TRPM3: variants seen among roughly 807,000 people sequenced by gnomAD.
The protein encoded by TRPM3 is long transient receptor potential channel 3.
Under a neutral mutation model 181.2 loss-of-function variants are expected in TRPM3, and 77 were observed. The ratio of observed to expected loss-of-function variants is 0.42; its 90% confidence interval spans 0.35 to 0.51. The LOEUF (loss-of-function observed/expected upper bound fraction) is 0.51, where lower values mean the gene tolerates loss of function less well. Ranked by LOEUF, TRPM3 falls within the 20% of genes least tolerant of loss-of-function variation. The pLI is 0.01. For synonymous variants in TRPM3, 745 were observed against 796.4 expected, an observed-to-expected ratio of 0.94 and a Z score of 1.09; for missense variants, 1,759 against 2,196.7, an observed-to-expected ratio of 0.80 and a Z score of 3.98.
At chr9:70,972,527 A>C (rs914331243) in intron 1 of TRPM3, among the ~76,000 whole-genome samples, 1 of 152,168 alleles carries the variant, frequency 6.6e-6, no homozygotes, top group Admixed American at 6.5e-5. Context: ...TGAAAGAATG[A>C]AAGTGTTCTG....
At chr9:70,776,953 G>T (rs1319938768) in intron 7 of TRPM3, among the ~76,000 whole-genome samples, 1 of 152,144 alleles carries the variant, frequency 6.6e-6, no homozygotes, top group Non-Finnish European at 1.5e-5. Context: ...AGGATATTTA[G>T]GGGGAGCTGG....
At chr9:71,391,762 A>G (rs1255923745) in intron 1 of TRPM3, among the ~76,000 whole-genome samples, 1 of 152,062 alleles carries the variant, frequency 6.6e-6, no homozygotes, top group Non-Finnish European at 1.5e-5. Context: ...GTTCAACCTA[A>G]TGTTTTTTGC....
At chr9:70,855,567 G>A (rs1002898630) in intron 3 of TRPM3, among the ~76,000 whole-genome samples, 6 of 152,156 alleles carry the variant, frequency 3.9e-5, no homozygotes, top group African/African-American at 1.4e-4. Flanking sequence ...TTTTTGTTAC[G>A]TAGTGTTCTG....
At chr9:71,310,584 T>C (rs570675123) in intron 1 of TRPM3, among the ~76,000 whole-genome samples, 1 of 152,104 alleles carries the variant, frequency 6.6e-6, no homozygotes, top group Non-Finnish European at 1.5e-5. Flanking sequence ...TACCTATAAT[T>C]TGGCCACCAG....
At position 70,535,482 on chromosome 9, in the gene TRPM3, T is replaced by G; in HGVS notation, c.*471A>C. On this transcript the variant is annotated 3_prime_UTR_variant, in exon 26 of 26. Coordinates refer to ENST00000677713, the MANE Select transcript of TRPM3 (RefSeq NM_001366145.2). Reference sequence around the variant, plus strand: ...TCAGTCACCAGTGATGGAGCCAATGTGAAAAGAAAACAGAATGGAAGTTTA... The same window carrying G: ...TCAGTCACCAGTGATGGAGCCAATGGGAAAAGAAAACAGAATGGAAGTTTA... 2 of 1,550,472 alleles carry G rather than the reference T, an allele frequency of 1.3e-6. No homozygotes were observed. Among genetic ancestry groups the G allele is most frequent in the Non-Finnish European group, 1.7e-6 (2 of 1,146,982 alleles).
At chr9:70,569,275 T>A (rs1044532964) in intron 22 of TRPM3, among the ~76,000 whole-genome samples, 1 of 152,200 alleles carries the variant, frequency 6.6e-6, no homozygotes, top group Non-Finnish European at 1.5e-5. Flanking sequence ...GACCCAAGAA[T>A]AAGCAGTCTG....
intron 1 of TRPM3, among the ~76,000 whole-genome samples, chr9:71,179,774 C>T (rs551864166): frequency 1.3e-5 from 2 of 152,164 alleles, no homozygotes; most frequent in Non-Finnish European, 2.9e-5. Context: ...ATTTTCCATT[C>T]GGGGAATATT....
At chr9:71,390,303 C>T (rs1163841997) in intron 1 of TRPM3, among the ~76,000 whole-genome samples, 1 of 151,980 alleles carries the variant, frequency 6.6e-6, no homozygotes, top group African/African-American at 2.4e-5. Context: ...TTTTTATACA[C>T]ATAAAGGAAA....
At chr9:71,280,556 G>C (rs940312761) in intron 1 of TRPM3, among the ~76,000 whole-genome samples, 10 of 152,126 alleles carry the variant, frequency 6.6e-5, no homozygotes, top group African/African-American at 2.4e-4. Context: ...CTGGATTTTT[G>C]AGAGAGGATT....
chr9:70,583,569 A>T (rs1446576645), intron 22 of TRPM3, among the ~76,000 whole-genome samples: 4 of 152,226 alleles, frequency 2.6e-5, no homozygotes, highest in Non-Finnish European at 5.9e-5. Context: ...GAAAAGTGGA[A>T]TATTCCAAGG....
At chr9:71,127,050 CAT>C (rs2074077402) in intron 1 of TRPM3, among the ~76,000 whole-genome samples, 1 of 135,294 alleles carries the variant, frequency 7.4e-6, no homozygotes, top group East Asian at 2.1e-4. Context: ...CACGTGATGG[CAT>C]AGAGTTTTTA....
At chr9:71,317,845 T>C (rs2088792659) in intron 1 of TRPM3, among the ~76,000 whole-genome samples, 1 of 152,150 alleles carries the variant, frequency 6.6e-6, no homozygotes. Flanking sequence ...TAAGCATTAA[T>C]CATCTTTATC....
At chr9:71,202,776 G>A (rs2131740058) in intron 1 of TRPM3, among the ~76,000 whole-genome samples, 1 of 152,224 alleles carries the variant, frequency 6.6e-6, no homozygotes. Context: ...AAAACCCTTT[G>A]CTCCTCTGTA....
At chr9:71,201,094 G>A (rs1231395922) in intron 1 of TRPM3, among the ~76,000 whole-genome samples, 1 of 151,926 alleles carries the variant, frequency 6.6e-6, no homozygotes, top group Non-Finnish European at 1.5e-5. Flanking sequence ...CTCAGCATTT[G>A]CTTGTCTGTA....
At chr9:70,620,957 T>C (rs1028217035) in intron 15 of TRPM3, among the ~76,000 whole-genome samples, 1 of 149,898 alleles carries the variant, frequency 6.7e-6, no homozygotes, top group African/African-American at 2.4e-5. Context: ...ATTGCAGATA[T>C]AACCTCATGG....
chr9:71,348,639 C>A (rs528495749), intron 1 of TRPM3, among the ~76,000 whole-genome samples: 2 of 151,554 alleles, frequency 1.3e-5, no homozygotes, highest in South Asian at 2.1e-4. Context: ...TCGCAATCTC[C>A]GCTCACTGCA....
intron 1 of TRPM3, among the ~76,000 whole-genome samples, chr9:71,072,618 G>T (rs1237566605): frequency 4.6e-5 from 7 of 152,136 alleles, no homozygotes; most frequent in Non-Finnish European, 1.5e-5. Flanking sequence ...CAACCCGTCT[G>T]ACTCCAGAGC....
chr9:70,781,613 C>T (rs1409673278), intron 7 of TRPM3, among the ~76,000 whole-genome samples: 3 of 152,098 alleles, frequency 2.0e-5, no homozygotes, highest in Non-Finnish European at 4.4e-5. Context: ...AGGAACACTA[C>T]AGCACATACC....
At chr9:70,759,748 C>T (rs1029742302) in intron 8 of TRPM3, among the ~76,000 whole-genome samples, 5 of 152,114 alleles carry the variant, frequency 3.3e-5, no homozygotes, top group Non-Finnish European at 7.3e-5. Flanking sequence ...AAACAAAATA[C>T]CACATGTTCT....
Sources: allele counts gnomAD v4.1 joint callset (sites outside exome capture counted in the v4.1 genomes callset), GRCh38; gene constraint gnomAD v4.1.1; transcripts MANE v1.5; gene names NCBI Gene and HGNC (gene_info 2026-07-23, HGNC 2026-07-21).